MAPKAP1: variants seen among roughly 807,000 people sequenced by gnomAD.
MAPKAP1 encodes target of rapamycin complex 2 subunit MAPKAP1.
In MAPKAP1, 20 loss-of-function variants were observed where a neutral mutation model predicts 65.7. That is an observed-to-expected ratio of 0.30 (90% CI 0.21 to 0.44). MAPKAP1 has a LOEUF of 0.44. Among genes scored for constraint, MAPKAP1 ranks in the 20% least tolerant of loss-of-function variants. MAPKAP1 has a pLI of 1.00. For synonymous variants in MAPKAP1, 222 were observed against 244.3 expected, an observed-to-expected ratio of 0.91 and a Z score of 0.85; for missense variants, 423 against 648.0, an observed-to-expected ratio of 0.65 and a Z score of 3.77.
At chr9:125,675,938 A>G (rs1352396961) in intron 1 of MAPKAP1, among the ~76,000 whole-genome samples, 1 of 152,202 alleles carries the variant, frequency 6.6e-6, no homozygotes, top group East Asian at 1.9e-4. Context: ...ACTTATTCTA[A>G]CAAGACTACT....
intron 10 of MAPKAP1, among the ~76,000 whole-genome samples, chr9:125,456,844 G>T (rs1404728901): frequency 6.6e-6 from 1 of 151,724 alleles, no homozygotes; most frequent in African/African-American, 2.4e-5. Flanking sequence ...GTTAAGCTGT[G>T]GGATACCTGA....
chr9:125,614,919 A>G (rs1055065738), intron 4 of MAPKAP1, among the ~76,000 whole-genome samples: 13 of 152,284 alleles, frequency 8.5e-5, no homozygotes, highest in African/African-American at 2.6e-4. Context: ...GAATTTTTTA[A>G]ATTTTCAGCT....
At chr9:125,532,880 A>T (rs1355866404) in intron 7 of MAPKAP1, among the ~76,000 whole-genome samples, 1 of 152,232 alleles carries the variant, frequency 6.6e-6, no homozygotes, top group African/African-American at 2.4e-5. Flanking sequence ...TTTAACTAAA[A>T]ATCTGTTTTT....
chr9:125,619,887 A>T lies in MAPKAP1; in HGVS notation c.499-34160T>A, dbSNP rs185949747. On this transcript the variant is annotated intron_variant, in intron 4 of 11. Coordinates refer to ENST00000265960, the MANE Select transcript of MAPKAP1 (RefSeq NM_001006617.3). ...ACTAGGCTAATCTCAATATATTTTT[A>T]AAAAAATCTTAGAAAATAAGAAAAA... 3.0e-3 allele frequency among the ~76,000 whole-genome samples: 453 copies of T among 152,280 alleles called. 4 individuals carry two copies. The highest frequency in any genetic ancestry group is 0.02 in the South Asian group (97 of 4,834).
At position 125,438,864 on chromosome 9, in the gene MAPKAP1, C is replaced by T. The variant is rs775174145; in HGVS notation, c.*23G>A. 3.7e-6 allele frequency: 6 copies of T among 1,613,976 alleles called. No homozygotes were observed. Among genetic ancestry groups the T allele is most frequent in the South Asian group, 3.3e-5 (3 of 91,048 alleles). On this transcript the variant is annotated 3_prime_UTR_variant, in exon 12 of 12. Transcript: ENST00000265960. ...GGCAGGCAGGCTCTGAGCTACGGAACAGATTGAGGCTGGAGGCCAGTGTCA... is the reference window on the plus strand; with the variant it reads ...GGCAGGCAGGCTCTGAGCTACGGAATAGATTGAGGCTGGAGGCCAGTGTCA...
intron 10 of MAPKAP1, among the ~76,000 whole-genome samples, chr9:125,450,629 CT>C (rs1250371419): frequency 1.3e-5 from 2 of 152,172 alleles, no homozygotes; most frequent in African/African-American, 2.4e-5. Context: ...CAAAGAACAG[CT>C]TTGAGGCTTG....
chr9:125,643,942 A>G (rs1416144769), intron 4 of MAPKAP1, among the ~76,000 whole-genome samples: 1 of 152,244 alleles, frequency 6.6e-6, no homozygotes. Context: ...CTGGGAAAAT[A>G]TAAGCAGAAA....
At chr9:125,697,123 CT>C (rs1002945095) in intron 1 of MAPKAP1, among the ~76,000 whole-genome samples, 1 of 152,142 alleles carries the variant, frequency 6.6e-6, no homozygotes, top group Non-Finnish European at 1.5e-5. Flanking sequence ...TTAAATAGGA[CT>C]TTTGGGGGAA....
At position 125,630,641 on chromosome 9, in the gene MAPKAP1, C is replaced by T. The variant is rs1012963035; in HGVS notation, c.498+27010G>A. On this transcript the variant is annotated intron_variant, in intron 4 of 11. Coordinates refer to ENST00000265960, the MANE Select transcript of MAPKAP1 (RefSeq NM_001006617.3). Reference sequence around the variant, plus strand: ...GGACACAAACAGCCAACACTGAACCCTTAATCATGGAAAGATGATTAACAC... The same window carrying T: ...GGACACAAACAGCCAACACTGAACCTTTAATCATGGAAAGATGATTAACAC... Among the ~76,000 whole-genome samples, 3 of 152,176 alleles carry T rather than the reference C, an allele frequency of 2.0e-5. No individual in the cohort carries two copies. The East Asian group carries it at 5.8e-4, about 29-fold the overall frequency.
chr9:125,504,747 C>G (rs1412420999), intron 8 of MAPKAP1, among the ~76,000 whole-genome samples: 1 of 152,050 alleles, frequency 6.6e-6, no homozygotes, highest in Non-Finnish European at 1.5e-5. Flanking sequence ...GAGCCTAGAT[C>G]ACACTACCGA....
chr9:125,678,663 T>C (rs564020000), intron 1 of MAPKAP1, among the ~76,000 whole-genome samples: 2 of 152,316 alleles, frequency 1.3e-5, no homozygotes, highest in Non-Finnish European at 2.9e-5. Flanking sequence ...TTGGATACTG[T>C]TCCCAGATTA....
At position 125,572,133 on chromosome 9, in the gene MAPKAP1, T is replaced by C. The variant is rs575087520; in HGVS notation, c.672-12324A>G. Among the ~76,000 whole-genome samples, 47 of 152,342 alleles carry C rather than the reference T, an allele frequency of 3.1e-4. No homozygotes were observed. The South Asian group carries it at 9.3e-3, about 30-fold the overall frequency. The stretch of plus-strand genomic sequence containing the variant: ...TATAACAGAACACAACTGAAGAAAC[T>C]AGTTATTTTCCCAAGGCTTTAACTG... On this transcript the variant is annotated intron_variant, in intron 5 of 11. Coordinates refer to ENST00000265960, the MANE Select transcript of MAPKAP1 (RefSeq NM_001006617.3).
At chr9:125,621,636 A>G (rs1832902479) in intron 4 of MAPKAP1, among the ~76,000 whole-genome samples, 1 of 152,244 alleles carries the variant, frequency 6.6e-6, no homozygotes, top group East Asian at 1.9e-4. Flanking sequence ...AGAAGTTAAC[A>G]AAGATGCTTT....
intron 1 of MAPKAP1, among the ~76,000 whole-genome samples, chr9:125,677,568 T>A (rs1834686233): frequency 6.6e-6 from 1 of 152,028 alleles, no homozygotes; most frequent in Non-Finnish European, 1.5e-5. Context: ...TGGTGGTGCG[T>A]ACCTATAGTG....
At chr9:125,642,063 G>T (rs542561427) in intron 4 of MAPKAP1, among the ~76,000 whole-genome samples, 2 of 151,790 alleles carry the variant, frequency 1.3e-5, no homozygotes, top group African/African-American at 4.8e-5. Flanking sequence ...AAATTAGGCC[G>T]GTGTGGTGGC....
At chr9:125,441,972 G>GA (rs1270264914) in intron 11 of MAPKAP1, among the ~76,000 whole-genome samples, 2 of 151,566 alleles carry the variant, frequency 1.3e-5, no homozygotes, top group Non-Finnish European at 2.9e-5. Flanking sequence ...ACTAAAAATA[G>GA]AAAAAAATTA....
chr9:125,594,049 T>C (rs1026357401), intron 4 of MAPKAP1, among the ~76,000 whole-genome samples: 4 of 152,208 alleles, frequency 2.6e-5, no homozygotes, highest in Non-Finnish European at 5.9e-5. Context: ...CACTCTACCA[T>C]CCAAATGCCT....
intron 4 of MAPKAP1, among the ~76,000 whole-genome samples, chr9:125,603,056 G>GTCTTTCTT (rs67808052): frequency 1.3e-5 from 2 of 148,728 alleles, no homozygotes; most frequent in African/African-American, 4.9e-5. Flanking sequence ...CCACACTTGC[G>GTCTTTCTT]TCTTTCTTTC....
intron 9 of MAPKAP1, 73 bp from the exon 10 acceptor site, chr9:125,468,182 TG>T: frequency 6.6e-7 from 1 of 1,506,406 alleles, no homozygotes; most frequent in Non-Finnish European, 9.1e-7. Context: ...GGAAATCATT[TG>T]ACCTGTTTTA....
Sources: gnomAD v4.1 joint callset for allele counts (sites outside exome capture counted in the v4.1 genomes callset) on GRCh38, gnomAD v4.1.1 for gene constraint, MANE v1.5 for transcripts, NCBI Gene and HGNC (gene_info 2026-07-23, HGNC 2026-07-21) for gene names.